The following UPP2 variants were observed in gnomAD, a reference collection of about 807,000 sequenced individuals.
The protein encoded by UPP2 is UPase 2.
UPP2 carries 23 observed loss-of-function variants against 26.7 expected under a neutral mutation model. The ratio of observed to expected loss-of-function variants is 0.86; its 90% CI spans 0.62 to 1.22. The LOEUF is 1.22. UPP2 is among the 50% of genes most tolerant of loss of function. The pLI is 0.00. For missense variants in UPP2, 387 were observed against 396.7 expected (o/e 0.98, Z 0.21); for synonymous variants, 127 against 141.3 (o/e 0.90, Z 0.72).
At chr2:158,001,317 T>C (rs1270770351) in intron 2 of UPP2, among the ~76,000 whole-genome samples, 2 of 152,170 alleles carry the variant, frequency 1.3e-5, no homozygotes, top group Non-Finnish European at 2.9e-5. Context: ...TGCAGTACCC[T>C]GGGCTAGTAG....
intron 3 of UPP2, among the ~76,000 whole-genome samples, chr2:158,024,587 CGTGA>C (rs1683806640): frequency 6.6e-6 from 1 of 152,084 alleles, no homozygotes; most frequent in South Asian, 2.1e-4. Context: ...CAGTTTTTAA[CGTGA>C]GTGTTAATTT....
At chr2:158,114,954 A>T in intron 2 of UPP2, 147 bp from the exon 3 acceptor site, 1 of 678,444 alleles carries the variant, frequency 1.5e-6, no homozygotes, top group Non-Finnish European at 2.1e-6. Context: ...GATGCAAATT[A>T]GCTAATTCAT....
chr2:158,065,907 G>T, intron 3 of UPP2: 1 of 588,422 alleles, frequency 1.7e-6, no homozygotes. Context: ...ATTAATTGAA[G>T]GCAAAATGAA....
upstream of UPP2, among the ~76,000 whole-genome samples, chr2:158,097,192 G>A (rs1055844013): frequency 2.6e-5 from 4 of 152,108 alleles, no homozygotes; most frequent in African/African-American, 9.7e-5. Flanking sequence ...TGCATGATAA[G>A]TATGACACTT....
chr2:158,127,164 C>A (rs1358608219), intron 6 of UPP2, among the ~76,000 whole-genome samples: 1 of 152,164 alleles, frequency 6.6e-6, no homozygotes, highest in Non-Finnish European at 1.5e-5. Flanking sequence ...ACATCTCACC[C>A]TAAATCTCAC....
intron 2 of UPP2, among the ~76,000 whole-genome samples, chr2:158,108,741 A>T (rs2105216667): frequency 6.6e-6 from 1 of 152,206 alleles, no homozygotes; most frequent in East Asian, 1.9e-4. Context: ...ACCACTATCC[A>T]ACCTTATACA....
chr2:158,093,426 A>T (rs946954224), intron 3 of UPP2, among the ~76,000 whole-genome samples: 1 of 152,224 alleles, frequency 6.6e-6, no homozygotes, highest in Admixed American at 6.5e-5. Context: ...TGTTTACCTG[A>T]TACACTCCTA....
chr2:158,094,081 CA>C (rs1374504947), intron 3 of UPP2, among the ~76,000 whole-genome samples: 5 of 151,482 alleles, frequency 3.3e-5, no homozygotes, highest in African/African-American at 4.8e-5. Context: ...TAAACCTGCT[CA>C]TGTAGTTATT....
intron 2 of UPP2, among the ~76,000 whole-genome samples, chr2:158,110,440 G>T (rs1484630655): frequency 3.3e-5 from 5 of 152,130 alleles, no homozygotes; most frequent in Admixed American, 2.0e-4. Context: ...TGTGAGTAGT[G>T]CCGCAGTGAA....
At chr2:158,056,914 T>G (rs535144604) in intron 3 of UPP2, among the ~76,000 whole-genome samples, 4 of 152,344 alleles carry the variant, frequency 2.6e-5, no homozygotes, top group Non-Finnish European at 5.9e-5. Context: ...CATTATGTCA[T>G]GTCTCTTTAG....
intron 3 of UPP2, among the ~76,000 whole-genome samples, chr2:158,047,246 G>T (rs1684169096): frequency 6.6e-6 from 1 of 152,194 alleles, no homozygotes; most frequent in African/African-American, 2.4e-5. Context: ...CACAGCGGGG[G>T]TATTGAGGTT....
chr2:158,023,234 G>GGGGA (rs1553463663), intron 3 of UPP2, among the ~76,000 whole-genome samples: 1 of 145,728 alleles, frequency 6.9e-6, no homozygotes. Context: ...GTCAGTTGGG[G>GGGGA]GGGGGCATTT....
rs983383017 is a variant in UPP2, at chr2:158,093,765, A to C, written c.148-8275A>C. Reference sequence around the variant, plus strand: ...ATGGGGTTTATTATACACTGTTGACAAAAGTGTAACTTGGTAAAACTATTA... The same window carrying C: ...ATGGGGTTTATTATACACTGTTGACCAAAGTGTAACTTGGTAAAACTATTA... On this transcript the variant is annotated intron_variant, in intron 3 of 9. Transcript: ENST00000605860. Among the ~76,000 whole-genome samples, 4 of 152,138 alleles carry C rather than the reference A, an allele frequency of 2.6e-5. No individual in the cohort carries two copies. The East Asian group carries it at 5.8e-4, about 22-fold the overall frequency.
intron 3 of UPP2, among the ~76,000 whole-genome samples, chr2:158,078,488 A>T (rs1434179681): frequency 6.6e-6 from 1 of 152,182 alleles, no homozygotes; most frequent in African/African-American, 2.4e-5. Flanking sequence ...AACAACATGG[A>T]TGGAACTGGC....
intron 3 of UPP2, among the ~76,000 whole-genome samples, chr2:158,060,110 A>G (rs1309465340): frequency 6.6e-6 from 1 of 152,128 alleles, no homozygotes; most frequent in Non-Finnish European, 1.5e-5. Flanking sequence ...ACACACATGC[A>G]TGCACACAGG....
intron 3 of UPP2, among the ~76,000 whole-genome samples, chr2:158,062,797 G>A (rs1045038570): frequency 1.3e-5 from 2 of 152,202 alleles, no homozygotes; most frequent in Non-Finnish European, 1.5e-5. Flanking sequence ...ATAGAAACCA[G>A]CTGAACTATA....
chr2:158,060,537 G>T (rs541372115), intron 3 of UPP2, among the ~76,000 whole-genome samples: 264 of 152,268 alleles, frequency 1.7e-3, no homozygotes, highest in Middle Eastern at 0.01. Context: ...CACATCTTTT[G>T]TTTTGTCCAT....
intron 3 of UPP2, among the ~76,000 whole-genome samples, chr2:158,017,181 C>G (rs1394815731): frequency 1.3e-5 from 2 of 152,172 alleles, no homozygotes; most frequent in Non-Finnish European, 2.9e-5. Context: ...TCTTAAGACC[C>G]TGTTAAATAA....
At chr2:158,069,639 T>C (rs1682506308) in intron 3 of UPP2, among the ~76,000 whole-genome samples, 1 of 152,218 alleles carries the variant, frequency 6.6e-6, no homozygotes, top group African/African-American at 2.4e-5. Context: ...CATGTCCCTA[T>C]GAACAGCTCT....
Sources: gnomAD v4.1 joint callset for allele counts (sites outside exome capture counted in the v4.1 genomes callset) on GRCh38, gnomAD v4.1.1 for gene constraint, MANE v1.5 for transcripts, NCBI Gene and HGNC (gene_info 2026-07-23, HGNC 2026-07-21) for gene names.